The following BBS5 variants were observed in gnomAD, a reference collection of about 807,000 sequenced individuals.
The protein encoded by BBS5 is Bardet-Biedl syndrome 5, also known as BBSome complex member BBS5.
Under a neutral mutation model 50.2 loss-of-function variants are expected in BBS5, and 39 were observed. The observed-to-expected ratio is 0.78, with a 90% CI of 0.60 to 1.01. The LOEUF (loss-of-function observed/expected upper bound fraction) is 1.01. BBS5 is among the 50% of genes least tolerant of loss of function. BBS5 has a pLI of 0.00. For synonymous variants in BBS5, 134 were observed against 133.1 expected, an observed-to-expected ratio of 1.01 and a Z score of -0.05; for missense variants, 356 against 401.5, an observed-to-expected ratio of 0.89 and a Z score of 0.97.
chr2:169,481,819 A>G (rs989203910), intron 1 of BBS5, among the ~76,000 whole-genome samples: 1 of 152,132 alleles, frequency 6.6e-6, no homozygotes, highest in East Asian at 1.9e-4. Context: ...TGCACAGGAT[A>G]AGGCCTAAAC....
chr2:169,493,163 A>G, intron 6 of BBS5, 154 bp downstream of exon 6: 1 of 834,486 alleles, frequency 1.2e-6, no homozygotes, highest in Non-Finnish European at 2.0e-6. Flanking sequence ...GGTTGATGAT[A>G]ACATCCCTAT....
chr2:169,499,201 C>T, intron 8 of BBS5: 1 of 355,804 alleles, frequency 2.8e-6, no homozygotes, highest in Non-Finnish European at 5.2e-6. Context: ...CAAAATAAGC[C>T]TGCGTTGGGG....
chr2:169,496,863 C>A (rs547225817), intron 7 of BBS5, among the ~76,000 whole-genome samples: 19 of 150,444 alleles, frequency 1.3e-4, no homozygotes, highest in Non-Finnish European at 2.7e-4. Context: ...AGCGAGACTC[C>A]GTCTCAAAAA....
Position 169,505,606 on chromosome 2 carries a change from C to T in BBS5, c.*1024C>T, listed in dbSNP as rs1456868377. 7 of 253,970 alleles carry T rather than the reference C, an allele frequency of 2.8e-5. No homozygotes were observed. Among genetic ancestry groups the T allele is most frequent in the South Asian group, 7.4e-5 (2 of 27,176 alleles). The allele number at this position is 253,970 out of a possible 1,614,324, so 15.7% of individuals were successfully genotyped here. On this transcript the variant is annotated 3_prime_UTR_variant, in exon 12 of 12. Coordinates refer to ENST00000295240, the MANE Select transcript of BBS5 (RefSeq NM_152384.3). ...GATGTGGGGAGCACCTCTGCCCGGC[C>T]GCGACCCCATTTGGGAGGTGAGGAG...
At chr2:169,492,105 G>A (rs1683611297) in intron 5 of BBS5, among the ~76,000 whole-genome samples, 1 of 151,968 alleles carries the variant, frequency 6.6e-6, no homozygotes, top group Admixed American at 6.6e-5. Context: ...CCGAGAAAAA[G>A]TATTAATAAT....
chr2:169,503,088 T>G lies in BBS5; in HGVS notation c.817-7T>G. The stretch of plus-strand genomic sequence containing the variant: ...TCTGATGCATTTTAACATCTGCTGA[T>G]TTTCAGCCCCAGCCGCTCGAAGCTC... On this transcript the variant is annotated splice_region_variant and splice_polypyrimidine_tract_variant and intron_variant, in intron 9 of 11. Coordinates refer to ENST00000295240, the MANE Select transcript of BBS5 (RefSeq NM_152384.3). The G allele has an allele frequency of 6.2e-7, 1 of 1,610,344 alleles. No homozygotes were observed. The highest frequency in any genetic ancestry group is 8.5e-7 in the Non-Finnish European group (1 of 1,176,820).
At chr2:169,504,255 GAAT>G in intron 10 of BBS5, 45 bp from the exon 11 acceptor site, 1 of 1,556,198 alleles carries the variant, frequency 6.4e-7, no homozygotes, top group Non-Finnish European at 8.9e-7. Context: ...TGATCTATTC[GAAT>G]ATTATATGTC....
rs1218479038 is a variant in BBS5 at position 169,505,676 on chromosome 2, G to A, written c.*1094G>A. 3.6e-5 allele frequency: 8 copies of A among 223,528 alleles called. No homozygotes were observed. The highest frequency in any genetic ancestry group is 1.7e-4 in the East Asian group (1 of 5,966). 13.8% of individuals were successfully genotyped at this position (223,528 alleles called of 1,614,324 possible). ...CGTCTGAGAAGTGAGGAGACCCTCC[G>A]CCTGGCAACCGCCCCGTCTGATAAG... On this transcript the variant is annotated 3_prime_UTR_variant, in exon 12 of 12. Transcript: ENST00000295240.
rs1363954560 is a variant in BBS5 at position 169,479,578 on chromosome 2, G to C, written c.25G>C (p.Glu9Gln). 1.2e-6 allele frequency: 2 copies of C among 1,614,190 alleles called. No homozygotes were observed. Among genetic ancestry groups the C allele is most frequent in the South Asian group, 1.1e-5 (1 of 91,086 alleles). MSVLDALW[E>Q]DRDVRFDLSA... ...CATGTCGGTGCTGGATGCGCTTTGG[G>C]AGGATCGGGATGTCCGTTTCGACCT... The change falls in exon 1 of 12, where the codon GAG becomes CAG. Residue 9 changes from glutamate (E) to glutamine (Q), a missense_variant. Physicochemically the swap from Glu to Gln is conservative, Grantham distance 29. Coordinates refer to ENST00000295240, the MANE Select transcript of BBS5 (RefSeq NM_152384.3).
chr2:169,496,038 A>C lies in BBS5; in HGVS notation c.619-1589A>C, dbSNP rs142323678. On this transcript the variant is annotated intron_variant, in intron 7 of 11. Transcript: ENST00000295240. ...CAGGTTTTCGTAACAATTATCATCA[A>C]AGCCTTTCTTCTTTTTCTGAGTCTC... Among the ~76,000 whole-genome samples, 471 of 152,288 alleles carry C rather than the reference A, an allele frequency of 3.1e-3. 6 individuals carry two copies. The highest frequency in any genetic ancestry group is 0.011 in the African/African-American group (450 of 41,550).
chr2:169,498,714 G>A (rs538918732), intron 8 of BBS5, among the ~76,000 whole-genome samples: 12 of 151,942 alleles, frequency 7.9e-5, no homozygotes, highest in South Asian at 6.2e-4. Context: ...GGCTGAGGCA[G>A]GAGAATGGCG....
intron 1 of BBS5, among the ~76,000 whole-genome samples, chr2:169,481,216 A>C (rs574190705): frequency 3.9e-5 from 6 of 152,388 alleles, no homozygotes; most frequent in African/African-American, 1.4e-4. Context: ...GCTGAGACTC[A>C]TAGAAACAGA....
At chr2:169,491,804 G>T (rs1683606789) in intron 5 of BBS5, among the ~76,000 whole-genome samples, 1 of 152,080 alleles carries the variant, frequency 6.6e-6, no homozygotes, top group Non-Finnish European at 1.5e-5. Context: ...AAAAGTAATT[G>T]TTTTTGTTTT....
chr2:169,483,241 T>G (rs1574335042), intron 2 of BBS5, among the ~76,000 whole-genome samples: 1 of 152,154 alleles, frequency 6.6e-6, no homozygotes, highest in Admixed American at 6.5e-5. Context: ...TGCTCTGAGG[T>G]GGCATGTAGG....
intron 5 of BBS5, among the ~76,000 whole-genome samples, chr2:169,489,908 C>T (rs1318003841): frequency 1.9e-5 from 2 of 103,146 alleles, no homozygotes; most frequent in Non-Finnish European, 1.8e-5. Flanking sequence ...CAGAGTCTTG[C>T]TCTGTTGCCC....
intron 2 of BBS5, among the ~76,000 whole-genome samples, chr2:169,482,957 T>G (rs1047778598): frequency 6.6e-6 from 1 of 152,086 alleles, no homozygotes; most frequent in East Asian, 1.9e-4. Context: ...CAGTGACCAG[T>G]AGGTCTTGAA....
rs779116332 is a variant in BBS5, at chr2:169,488,108, T to C, written c.380T>C (p.Val127Ala). 3 of 1,613,006 alleles carry C rather than the reference T, an allele frequency of 1.9e-6. No individual in the cohort carries two copies. The highest frequency in any genetic ancestry group is 3.3e-5 in the Admixed American group (2 of 60,020). ...SPRLFTSVMA[V>A]HRAYETSKMY... is the part of the protein sequence containing the mutation. ...AGACTTTTTACTTCTGTGATGGCAG[T>C]ACACAGGTATAGTAATACTTTATGG... Residue 127 changes from valine to alanine, a missense_variant, in exon 5 of 12, where the codon GTA becomes GCA. Physicochemically the swap from Val to Ala is moderately conservative, Grantham distance 64 (BLOSUM62 0). Transcript: ENST00000295240.
At chr2:169,487,882 A>G in intron 4 of BBS5, 27 bp downstream of exon 4, 13 of 1,579,364 alleles carry the variant, frequency 8.2e-6, no homozygotes, top group Non-Finnish European at 1.1e-5. Flanking sequence ...TTATTGCAAT[A>G]TATATATAGT....
At chr2:169,488,313 C>T (rs1018595706) in intron 5 of BBS5, among the ~76,000 whole-genome samples, 199 bp downstream of exon 5, 1 of 152,184 alleles carries the variant, frequency 6.6e-6, no homozygotes, top group African/African-American at 2.4e-5. Context: ...CTATTATATA[C>T]TCACCATAAT....
Sources: gnomAD v4.1 joint callset for allele counts (sites outside exome capture counted in the v4.1 genomes callset) on GRCh38, gnomAD v4.1.1 for gene constraint, MANE v1.5 for transcripts, NCBI Gene and HGNC (gene_info 2026-07-23, HGNC 2026-07-21) for gene names.